CACNB2: variants seen among roughly 807,000 people sequenced by gnomAD.
CACNB2 encodes the protein calcium voltage-gated channel auxiliary subunit beta 2.
CACNB2 carries 42 observed loss-of-function variants against 73.3 expected under a neutral mutation model. That is an observed-to-expected ratio of 0.57 (90% CI 0.45 to 0.74). CACNB2 has a LOEUF of 0.74. CACNB2 is among the 30% of genes least tolerant of loss of function. The probability of loss-of-function intolerance (pLI) is 0.00; values close to 1 mark genes in which losing one functional copy is unlikely to be tolerated. For missense variants in CACNB2, 940 were observed against 853.0 expected, an observed-to-expected ratio of 1.10 and a Z score of -1.27; for synonymous variants, 348 against 310.3, an observed-to-expected ratio of 1.12 and a Z score of -1.28.
intron 2 of CACNB2, among the ~76,000 whole-genome samples, chr10:18,233,732 C>A (rs1002424006): frequency 1.3e-5 from 2 of 152,180 alleles, no homozygotes; most frequent in African/African-American, 4.8e-5. Context: ...AGGCATCTTT[C>A]AAGCTCCCGC....
chr10:18,504,639 T>TTGTGTGTGTGTGTGTGTG (rs113483548), intron 5 of CACNB2, among the ~76,000 whole-genome samples: 16 of 151,760 alleles, frequency 1.1e-4, no homozygotes, highest in African/African-American at 3.6e-4. Context: ...TTCTCTCCTT[T>TTGTGTGTGTGTGTGTGTG]TGTGTGTGTG....
chr10:18,517,098 C>T (rs778534127), intron 7 of CACNB2, among the ~76,000 whole-genome samples: 3 of 152,238 alleles, frequency 2.0e-5, no homozygotes, highest in African/African-American at 7.2e-5. Context: ...TCTTGAGTGA[C>T]GGGCAGATGC....
At chr10:18,440,684 A>T (rs2046371183) in intron 3 of CACNB2, among the ~76,000 whole-genome samples, 2 of 152,268 alleles carry the variant, frequency 1.3e-5, no homozygotes, top group African/African-American at 4.8e-5. Flanking sequence ...CATTTGATCA[A>T]AATTGTGAAT....
intron 2 of CACNB2, among the ~76,000 whole-genome samples, chr10:18,314,578 G>A (rs1246837238): frequency 1.2e-4 from 18 of 149,704 alleles, no homozygotes; most frequent in Non-Finnish European, 1.3e-4. Context: ...CCACATTTGT[G>A]AGAAAAAAAA....
chr10:18,280,911 C>A (rs1480033047), intron 2 of CACNB2, among the ~76,000 whole-genome samples: 5 of 152,144 alleles, frequency 3.3e-5, no homozygotes, highest in Non-Finnish European at 5.9e-5. Context: ...ATACTACATG[C>A]TTTGCACATG....
chr10:18,177,190 G>C (rs2033643879), intron 2 of CACNB2, among the ~76,000 whole-genome samples: 1 of 152,118 alleles, frequency 6.6e-6, no homozygotes, highest in South Asian at 2.1e-4. Flanking sequence ...ACCAAAAAGT[G>C]ACTGAAGCAG....
At chr10:18,517,933 T>G (rs1564642485) in intron 7 of CACNB2, among the ~76,000 whole-genome samples, 1 of 152,222 alleles carries the variant, frequency 6.6e-6, no homozygotes, top group Non-Finnish European at 1.5e-5. Flanking sequence ...ATTAACCATG[T>G]TAGGTCTAAT....
intron 2 of CACNB2, among the ~76,000 whole-genome samples, chr10:18,382,526 T>A (rs1589196807): frequency 6.6e-6 from 1 of 152,100 alleles, no homozygotes; most frequent in African/African-American, 2.4e-5. Context: ...TTTTTCCTAA[T>A]CCTCTCCTTC....
chr10:18,340,737 T>C, intron 2 of CACNB2: 1 of 1,481,786 alleles, frequency 6.7e-7, no homozygotes, highest in Non-Finnish European at 8.9e-7. Context: ...CAGAGAGCTG[T>C]TGTGATCCGA....
chr10:18,276,111 G>A (rs75585782), intron 2 of CACNB2, among the ~76,000 whole-genome samples: 1,800 of 152,228 alleles, frequency 0.012, 44 homozygotes, highest in African/African-American at 0.041. Flanking sequence ...TCTGTACCAT[G>A]CAACAATTTC....
chr10:18,534,992 G>A (rs1315198348), intron 11 of CACNB2, among the ~76,000 whole-genome samples: 1 of 152,128 alleles, frequency 6.6e-6, no homozygotes, highest in African/African-American at 2.4e-5. Context: ...CAGAATTTTA[G>A]AAAACTTGTA....
intron 2 of CACNB2, among the ~76,000 whole-genome samples, chr10:18,385,364 ACCC>A (rs754737184): frequency 2.4e-5 from 2 of 83,170 alleles, no homozygotes; most frequent in East Asian, 1.6e-3. Flanking sequence ...GATTTGTAAT[ACCC>A]CCCCCCCTCG....
At chr10:18,479,825 A>C (rs528590497) in intron 3 of CACNB2, among the ~76,000 whole-genome samples, 2 of 152,268 alleles carry the variant, frequency 1.3e-5, no homozygotes, top group East Asian at 1.9e-4. Context: ...GAATCAACTA[A>C]ACCTCTTCAT....
intron 2 of CACNB2, among the ~76,000 whole-genome samples, chr10:18,309,051 C>T (rs2039856718): frequency 6.6e-6 from 1 of 152,028 alleles, no homozygotes; most frequent in African/African-American, 2.4e-5. Flanking sequence ...GTCCTTCTCC[C>T]CTCGTCGTTA....
chr10:18,230,979 G>A (rs1328905217), intron 2 of CACNB2, among the ~76,000 whole-genome samples: 1 of 152,098 alleles, frequency 6.6e-6, no homozygotes, highest in African/African-American at 2.4e-5. Context: ...GCTTGTGTCA[G>A]TTAGGGGAGG....
At chr10:18,331,661 C>G (rs533520769) in intron 2 of CACNB2, among the ~76,000 whole-genome samples, 11 of 152,162 alleles carry the variant, frequency 7.2e-5, no homozygotes, top group African/African-American at 2.7e-4. Context: ...ACTAGCCTCC[C>G]TCTAGGTGAT....
At chr10:18,394,584 T>A (rs2043632401) in intron 2 of CACNB2, among the ~76,000 whole-genome samples, 1 of 152,160 alleles carries the variant, frequency 6.6e-6, no homozygotes, top group Non-Finnish European at 1.5e-5. Context: ...AGGGAGTTAT[T>A]TATATGACTT....
At chr10:18,154,955 T>C (rs1427208814) in intron 2 of CACNB2, among the ~76,000 whole-genome samples, 2 of 152,198 alleles carry the variant, frequency 1.3e-5, no homozygotes, top group Non-Finnish European at 2.9e-5. Context: ...TAATTATTGT[T>C]GAAACCACCC....
chr10:18,457,410 A>C lies in CACNB2; in HGVS notation c.334-40945A>C, dbSNP rs559850073. Among the ~76,000 whole-genome samples the C allele has an allele frequency of 2.0e-5, 3 of 152,184 alleles. No individual in the cohort carries two copies. In the South Asian group the frequency reaches 6.2e-4, roughly 32 times the overall value. Reference sequence around the variant, plus strand: ...TGGCCCTCCAAGAACTTTTGAAATAAACTCTATTAATTATATTCAGAAAAC... The same window carrying C: ...TGGCCCTCCAAGAACTTTTGAAATACACTCTATTAATTATATTCAGAAAAC... On this transcript the variant is annotated intron_variant, in intron 3 of 13. Coordinates refer to ENST00000324631, the MANE Select transcript of CACNB2 (RefSeq NM_201596.3).
Sources: gnomAD v4.1 joint callset for allele counts (sites outside exome capture counted in the v4.1 genomes callset) on GRCh38, gnomAD v4.1.1 for gene constraint, MANE v1.5 for transcripts, NCBI Gene and HGNC (gene_info 2026-07-23, HGNC 2026-07-21) for gene names.